The following FAM177B variants were observed in gnomAD, a reference collection of about 807,000 sequenced individuals.
FAM177B encodes the protein protein FAM177B.
A neutral mutation model predicts 16.1 loss-of-function variants in FAM177B; 16 were observed. The ratio of observed to expected loss-of-function variants is 0.99; its 90% CI spans 0.67 to 1.51. The LOEUF is 1.51. FAM177B is among the 40% of genes most tolerant of loss of function. FAM177B has a pLI of 0.00. For missense variants in FAM177B, 178 were observed against 183.7 expected (o/e 0.97, Z 0.18); for synonymous variants, 56 against 59.9 (o/e 0.93, Z 0.30).
chr1:222,737,883 T>A (rs911167360), intron 1 of FAM177B, 21 bp from the exon 2 acceptor site: 2 of 152,096 alleles, frequency 1.3e-5, no homozygotes, highest in Admixed American at 1.3e-4. Flanking sequence ...TCCAGAAATA[T>A]CCAAGACAAT....
Position 222,749,916 on chromosome 1 carries a change from A to C in FAM177B, c.340-5A>C. The C allele has an allele frequency of 6.2e-7, 1 of 1,614,086 alleles. No individual in the cohort carries two copies. The highest frequency in any genetic ancestry group is 1.1e-5 in the South Asian group (1 of 91,088). On this transcript the variant is annotated splice_polypyrimidine_tract_variant and splice_region_variant and intron_variant, in intron 5 of 5. Transcript: ENST00000445590. ...TAAACATTTCCTTATTTCTCTCCAA[A>C]ACAGAAAAGTGACAACAAAAGTGAA... is the stretch of plus-strand genomic sequence containing the variant.
chr1:222,749,238 G>C, intron 4 of FAM177B: 1 of 495,668 alleles, frequency 2.0e-6, no homozygotes, highest in Non-Finnish European at 3.7e-6. Flanking sequence ...GGAAAAAATA[G>C]TTTATATATA....
At chr1:222,743,397 A>G (rs528078121) in intron 2 of FAM177B, among the ~76,000 whole-genome samples, 2 of 151,778 alleles carry the variant, frequency 1.3e-5, no homozygotes, top group South Asian at 4.2e-4. Flanking sequence ...ACCTCATGCG[A>G]TCCACCCGCC....
At chr1:222,746,318 T>C (rs1183860622) in intron 2 of FAM177B, among the ~76,000 whole-genome samples, 1 of 152,236 alleles carries the variant, frequency 6.6e-6, no homozygotes, top group African/African-American at 2.4e-5. Context: ...TTGACACTTT[T>C]GTTTGAAGAC....
intron 2 of FAM177B, among the ~76,000 whole-genome samples, chr1:222,741,564 G>A (rs1214820144): frequency 6.9e-6 from 1 of 144,848 alleles, no homozygotes; most frequent in Non-Finnish European, 1.5e-5. Context: ...CATCTTCTCT[G>A]TCGCCCAGGC....
chr1:222,749,564 T>G lies in FAM177B; in HGVS notation c.339+2T>G. The G allele has an allele frequency of 6.5e-7, 1 of 1,536,170 alleles. No individual in the cohort carries two copies. The highest frequency in any genetic ancestry group is 9.0e-7 in the Non-Finnish European group (1 of 1,114,196). ...GAGTTCTATAGGATACAAAACAAGG[T>G]ATGTGACACTCTGATGGAAACAAGG... On this transcript the variant is annotated splice_donor_variant, in intron 5 of 5. Transcript: ENST00000445590. LOFTEE classifies it high-confidence loss of function.
intron 2 of FAM177B, among the ~76,000 whole-genome samples, chr1:222,741,743 CCCT>C (rs1455512753): frequency 6.8e-6 from 1 of 147,230 alleles, no homozygotes; most frequent in Non-Finnish European, 1.5e-5. Context: ...CTCCCTCCCT[CCCT>C]CCTTTCTTTC....
intron 4 of FAM177B, among the ~76,000 whole-genome samples, chr1:222,748,530 G>A (rs1658903381): frequency 6.6e-6 from 1 of 152,198 alleles, no homozygotes; most frequent in South Asian, 2.1e-4. Context: ...AGCAGTCAGT[G>A]CTGTGGTCTG....
chr1:222,744,656 A>G (rs941132340), intron 2 of FAM177B, among the ~76,000 whole-genome samples: 33 of 152,112 alleles, frequency 2.2e-4, no homozygotes, highest in Admixed American at 3.3e-4. Context: ...TCTTCATTAC[A>G]ATTTTATAAG....
At chr1:222,749,806 G>A in intron 5 of FAM177B, 115 bp from the exon 6 acceptor site, 1 of 1,139,374 alleles carries the variant, frequency 8.8e-7, no homozygotes, top group Non-Finnish European at 1.3e-6. Flanking sequence ...AGTTGGGTGA[G>A]AAGGCTCAGA....
At chr1:222,749,762 T>C (rs573433012) in intron 5 of FAM177B, among the ~76,000 whole-genome samples, 159 bp from the exon 6 acceptor site, 1 of 152,292 alleles carries the variant, frequency 6.6e-6, no homozygotes, top group East Asian at 1.9e-4. Flanking sequence ...TCCTGCGAAG[T>C]TAGGATGTCA....
chr1:222,740,223 A>C (rs749507645), intron 2 of FAM177B, among the ~76,000 whole-genome samples: 21 of 152,160 alleles, frequency 1.4e-4, no homozygotes, highest in Non-Finnish European at 1.9e-4. Context: ...TTGGTGATTT[A>C]TTTTTATATA....
rs1489119100 is a variant in FAM177B at position 222,750,021 on chromosome 1, C to A, written c.440C>A (p.Thr147Asn). Residue 147 changes from threonine to asparagine, a missense_variant, in exon 6 of 6, where the codon ACC (threonine) becomes AAC (asparagine). Physicochemically the swap from Thr to Asn is moderately conservative, Grantham distance 65. Coordinates refer to ENST00000445590, the MANE Select transcript of FAM177B (RefSeq NM_001394345.1). Reference sequence around the variant, plus strand: ...GAGGCTGGGGTCCAAGAGTATGGAACCATACAACAGGATGTGACAGAGGCC... The same window carrying A: ...GAGGCTGGGGTCCAAGAGTATGGAAACATACAACAGGATGTGACAGAGGCC... Reference protein sequence around the residue: ...HLEAGVQEYGTIQQDVTEAIP... With the variant: ...HLEAGVQEYGNIQQDVTEAIP... 1 of 1,613,806 alleles carries A rather than the reference C, an allele frequency of 6.2e-7. No individual in the cohort carries two copies.
intron 3 of FAM177B, 105 bp downstream of exon 3, chr1:222,746,824 C>G: frequency 1.9e-6 from 2 of 1,079,270 alleles, no homozygotes; most frequent in Non-Finnish European, 2.7e-6. Flanking sequence ...TAAGCTAAGT[C>G]CTTGGTCTCC....
intron 2 of FAM177B, among the ~76,000 whole-genome samples, chr1:222,745,610 C>G (rs1274072204): frequency 6.6e-6 from 1 of 150,580 alleles, no homozygotes; most frequent in African/African-American, 2.4e-5. Context: ...GAGAAAGACT[C>G]TGTCTCTGCA....
At position 222,747,131 on chromosome 1, in the gene FAM177B, C is replaced by A. The variant is rs750697008; in HGVS notation, c.241+50C>A. On this transcript the variant is annotated intron_variant, in intron 4 of 5. Coordinates refer to ENST00000445590, the MANE Select transcript of FAM177B (RefSeq NM_001394345.1). Reference sequence around the variant, plus strand: ...TTCTATCCTAAACAAATATATATATCGATAGGCCCTCAGAGTATGTGGGAC... The same window carrying A: ...TTCTATCCTAAACAAATATATATATAGATAGGCCCTCAGAGTATGTGGGAC... 2.5e-6 allele frequency: 3 copies of A among 1,223,612 alleles called. No individual in the cohort carries two copies. The Admixed American group carries it at 5.1e-5, about 21-fold the overall frequency. The allele number at this position is 1,223,612 out of a possible 1,614,324, so 75.8% of individuals were successfully genotyped here. A position where few individuals can be genotyped will look rare whatever the true frequency, so the allele number is the denominator to read the frequency against.
At chr1:222,749,325 G>A in intron 4 of FAM177B, 140 bp from the exon 5 acceptor site, 2 of 565,370 alleles carry the variant, frequency 3.5e-6, no homozygotes, top group Non-Finnish European at 6.3e-6. Context: ...CAATTGAAAT[G>A]TTTTGTCAGC....
Position 222,750,398 on chromosome 1 carries a change from G to T in FAM177B, c.*340G>T. On this transcript the variant is annotated 3_prime_UTR_variant, in exon 6 of 6. Coordinates refer to ENST00000445590, the MANE Select transcript of FAM177B (RefSeq NM_001394345.1). Reference sequence around the variant, plus strand: ...GGAACTTTGGGACTGGGAGTTTTTGGCTGAAATCCTCTGTCATGGGACGAG... The same window carrying T: ...GGAACTTTGGGACTGGGAGTTTTTGTCTGAAATCCTCTGTCATGGGACGAG... 1 of 1,042,612 alleles carries T rather than the reference G, an allele frequency of 9.6e-7. No homozygotes were observed. Among genetic ancestry groups the T allele is most frequent in the Admixed American group, 5.3e-5 (1 of 18,724 alleles). The allele number at this position is 1,042,612 out of a possible 1,614,324, so 64.6% of individuals were successfully genotyped here. A position where few individuals can be genotyped will look rare whatever the true frequency, so the allele number is the denominator to read the frequency against.
At position 222,750,254 on chromosome 1, in the gene FAM177B, A is replaced by T; in HGVS notation, c.*196A>T. The T allele has an allele frequency of 1.4e-6, 2 of 1,381,906 alleles. No individual in the cohort carries two copies. Among genetic ancestry groups the T allele is most frequent in the Non-Finnish European group, 1.9e-6 (2 of 1,073,272 alleles). The allele number at this position is 1,381,906 out of a possible 1,614,324, so 85.6% of individuals were successfully genotyped here. The stretch of plus-strand genomic sequence containing the variant: ...TCCAGGAATTACAAGCAATAATGAG[A>T]GTAATTTTGGACACTTTCTCAGAAT... On this transcript the variant is annotated 3_prime_UTR_variant, in exon 6 of 6. Coordinates refer to ENST00000445590, the MANE Select transcript of FAM177B (RefSeq NM_001394345.1).
Sources: allele counts gnomAD v4.1 joint callset (sites outside exome capture counted in the v4.1 genomes callset), GRCh38; gene constraint gnomAD v4.1.1; transcripts MANE v1.5; gene names NCBI Gene and HGNC (gene_info 2026-07-23, HGNC 2026-07-21).